SPINK13: variants seen among roughly 807,000 people sequenced by gnomAD.
The protein encoded by SPINK13 is serine peptidase inhibitor Kazal type 13.
Under a neutral mutation model 11.0 loss-of-function variants are expected in SPINK13, and 11 were observed. The ratio of observed to expected loss-of-function variants is 1.00; its 90% CI spans 0.63 to 1.65. SPINK13 has a LOEUF of 1.65. SPINK13 is among the 40% of genes most tolerant of loss of function. The pLI is 0.00. For missense variants in SPINK13, 113 were observed against 117.7 expected, an observed-to-expected ratio of 0.96 and a Z score of 0.19; for synonymous variants, 31 against 35.6, an observed-to-expected ratio of 0.87 and a Z score of 0.46.
intron 2 of SPINK13, among the ~76,000 whole-genome samples, chr5:148,270,449 G>A (rs1381086157): frequency 6.6e-6 from 1 of 152,018 alleles, no homozygotes; most frequent in Non-Finnish European, 1.5e-5. Context: ...AAAAAATGAT[G>A]CATTTTCTTA....
intron 4 of SPINK13, 28 bp from the exon 5 acceptor site, chr5:148,285,972 T>A (rs941686947): frequency 7.6e-7 from 1 of 1,322,618 alleles, no homozygotes; most frequent in East Asian, 2.5e-5. Flanking sequence ...CTTATGATAC[T>A]AATCTTCTTT....
chr5:148,281,534 G>A (rs995173368), intron 3 of SPINK13, among the ~76,000 whole-genome samples: 1 of 152,170 alleles, frequency 6.6e-6, no homozygotes, highest in Non-Finnish European at 1.5e-5. Flanking sequence ...CCTTGGCTGG[G>A]GAGGGAGTTC....
Position 148,277,210 on chromosome 5 carries a change from C to T in SPINK13, c.108+2826C>T, listed in dbSNP as rs534621651. Among the ~76,000 whole-genome samples the T allele has an allele frequency of 5.3e-5, 8 of 152,242 alleles. 1 individual carries two copies. In the East Asian group the frequency reaches 7.7e-4, roughly 15 times the overall value. The stretch of plus-strand genomic sequence containing the variant: ...ATGGAGTTTTCTAAATATATGATCA[C>T]GTCATCTGCAAACAGAGATAATTTG... On this transcript the variant is annotated intron_variant, in intron 3 of 4. Coordinates refer to ENST00000398450, the MANE Select transcript of SPINK13 (RefSeq NM_001040129.3).
intron 3 of SPINK13, among the ~76,000 whole-genome samples, chr5:148,278,139 T>C (rs992780281): frequency 7.2e-5 from 11 of 152,214 alleles, no homozygotes; most frequent in African/African-American, 2.7e-4. Flanking sequence ...TCATTTTTTA[T>C]TGTGTCTATT....
intron 3 of SPINK13, among the ~76,000 whole-genome samples, chr5:148,278,992 G>A (rs545404681): frequency 1.0e-4 from 15 of 149,408 alleles, no homozygotes; most frequent in African/African-American, 3.7e-4. Flanking sequence ...TCTTCTTGTT[G>A]TATTGATCCC....
Position 148,282,416 on chromosome 5 carries a change from A to C in SPINK13, c.236+185A>C, listed in dbSNP as rs148950581. On this transcript the variant is annotated intron_variant, in intron 4 of 4. Transcript: ENST00000398450. Reference sequence around the variant, plus strand: ...GAAAGTCTCCTAGAATTTAGTTAGTATTCAAAGTTGAATCATTTAAAAAAG... The same window carrying C: ...GAAAGTCTCCTAGAATTTAGTTAGTCTTCAAAGTTGAATCATTTAAAAAAG... 8.7e-4 allele frequency among the ~76,000 whole-genome samples: 133 copies of C among 152,324 alleles called. No homozygotes were observed. The East Asian group carries it at 0.023, about 26-fold the overall frequency.
rs539953941 is a variant in SPINK13 at position 148,279,418 on chromosome 5, G to A, written c.109-2686G>A. Among the ~76,000 whole-genome samples, 10 of 152,178 alleles carry A rather than the reference G, an allele frequency of 6.6e-5. No homozygotes were observed. The South Asian group carries it at 1.5e-3, about 22-fold the overall frequency. On this transcript the variant is annotated intron_variant, in intron 3 of 4. Coordinates refer to ENST00000398450, the MANE Select transcript of SPINK13 (RefSeq NM_001040129.3). ...GTATGTTTTTGCAGTGGCTGATACC[G>A]GTTTTTCCTTCCCATGTTTAGTGCT...
intron 2 of SPINK13, among the ~76,000 whole-genome samples, chr5:148,271,711 G>A (rs368415849): frequency 2.0e-5 from 3 of 152,068 alleles, no homozygotes; most frequent in African/African-American, 4.8e-5. Context: ...TGCAAGCTCC[G>A]CCTCCCGGAT....
At chr5:148,284,424 G>GAATAAATTTCTC (rs1756562263) in intron 4 of SPINK13, among the ~76,000 whole-genome samples, 2 of 152,008 alleles carry the variant, frequency 1.3e-5, no homozygotes, top group Non-Finnish European at 2.9e-5. Context: ...AATAAATGAA[G>GAATAAATTTCTC]AGCCCTGCTG....
intron 2 of SPINK13, among the ~76,000 whole-genome samples, chr5:148,271,674 C>A (rs1756352649): frequency 6.6e-6 from 1 of 152,144 alleles, no homozygotes; most frequent in Non-Finnish European, 1.5e-5. Flanking sequence ...GACGGAGTCT[C>A]ACTCTGTCGC....
chr5:148,269,835 G>T (rs1309720088), intron 1 of SPINK13, among the ~76,000 whole-genome samples: 2 of 148,804 alleles, frequency 1.3e-5, no homozygotes, highest in African/African-American at 4.9e-5. Context: ...GTTTTTGGCA[G>T]AAAAAAAAAA....
chr5:148,270,011 A>G (rs776528269), intron 1 of SPINK13, 29 bp from the exon 2 acceptor site: 3 of 1,541,468 alleles, frequency 1.9e-6, no homozygotes, highest in Non-Finnish European at 2.7e-6. Context: ...TGTGGGGGAA[A>G]CTAAAAACAA....
intron 3 of SPINK13, among the ~76,000 whole-genome samples, chr5:148,279,383 T>G (rs1756479992): frequency 6.6e-6 from 1 of 152,154 alleles, no homozygotes; most frequent in African/African-American, 2.4e-5. Flanking sequence ...TTGATGGTCT[T>G]TACATTTTGG....
At chr5:148,271,792 T>C (rs185774593) in intron 2 of SPINK13, among the ~76,000 whole-genome samples, 3,224 of 152,048 alleles carry the variant, frequency 0.021, 135 homozygotes, top group African/African-American at 0.074. Flanking sequence ...GCCTGGCTAA[T>C]TTTTTGTATT....
At chr5:148,273,592 A>C (rs1485918797) in intron 2 of SPINK13, among the ~76,000 whole-genome samples, 1 of 150,070 alleles carries the variant, frequency 6.7e-6, no homozygotes, top group East Asian at 1.9e-4. Flanking sequence ...TTGTTCTCTG[A>C]AAGAGTGTAC....
Position 148,270,041 on chromosome 5 carries a change from C to T in SPINK13, c.-32C>T, listed in dbSNP as rs867284509. ...AAACAATCTTGGGCATGTTCACAGG[C>T]CTTATCAAAGAAGAGTCTTATATGA... On this transcript the variant is annotated splice_region_variant and 5_prime_UTR_variant, in exon 2 of 5. Coordinates refer to ENST00000398450, the MANE Select transcript of SPINK13 (RefSeq NM_001040129.3). The T allele has an allele frequency of 1.2e-6, 2 of 1,606,784 alleles. No individual in the cohort carries two copies. Among genetic ancestry groups the T allele is most frequent in the Non-Finnish European group, 1.7e-6 (2 of 1,173,890 alleles).
In SPINK13 at chr5:148,278,285, T is replaced by A. The variant is rs188433040; in HGVS notation, c.109-3819T>A. Among the ~76,000 whole-genome samples, 291 of 152,324 alleles carry A rather than the reference T, an allele frequency of 1.9e-3. 1 individual carries two copies. The highest frequency in any genetic ancestry group is 0.014 in the South Asian group (66 of 4,830). On this transcript the variant is annotated intron_variant, in intron 3 of 4. Coordinates refer to ENST00000398450, the MANE Select transcript of SPINK13 (RefSeq NM_001040129.3). ...TCTATCGCCTTCAGTTCTGCTCTGA[T>A]CTTAGTTATTTCTTGCCTTCTGCCA...
chr5:148,276,197 G>C (rs111269332), intron 3 of SPINK13, among the ~76,000 whole-genome samples: 15,733 of 151,944 alleles, frequency 0.1, 2,163 homozygotes, highest in African/African-American at 0.3. Context: ...GATATTAGCC[G>C]TTTGTCAGAT....
chr5:148,270,009 A>G (rs971888812), intron 1 of SPINK13, 31 bp from the exon 2 acceptor site: 8 of 1,524,266 alleles, frequency 5.2e-6, no homozygotes, highest in Admixed American at 5.0e-5. Flanking sequence ...GCTGTGGGGG[A>G]AACTAAAAAC....
Sources: gnomAD v4.1 joint callset for allele counts (sites outside exome capture counted in the v4.1 genomes callset) on GRCh38, gnomAD v4.1.1 for gene constraint, MANE v1.5 for transcripts, NCBI Gene and HGNC (gene_info 2026-07-23, HGNC 2026-07-21) for gene names.